FSHR: variants seen among roughly 807,000 people sequenced by gnomAD.
FSHR encodes the protein follicle stimulating hormone receptor, also known as follicle-stimulating hormone receptor.
A neutral mutation model predicts 52.1 loss-of-function variants in FSHR; 46 were observed. That is an observed-to-expected ratio of 0.88 (90% CI 0.70 to 1.13). FSHR has a LOEUF of 1.13. Ranked by LOEUF, FSHR falls within the 50% of genes most tolerant of loss-of-function variation. The pLI is 0.00. For synonymous variants in FSHR, 399 were observed against 309.6 expected (o/e 1.29, Z -3.03); for missense variants, 964 against 834.6 (o/e 1.16, Z -1.91).
In FSHR at chr2:49,017,559, T is replaced by C. The variant is rs775769692; in HGVS notation, c.304A>G (p.Ile102Val). 4 of 1,612,520 alleles carry C rather than the reference T, an allele frequency of 2.5e-6. No individual in the cohort carries two copies. The highest frequency in any genetic ancestry group is 3.4e-6 in the Non-Finnish European group (4 of 1,178,884). ...SNLPKLHEIRIEKANNLLYIN... is the reference protein window; with the variant it reads ...SNLPKLHEIRVEKANNLLYIN... Reference sequence around the variant, plus strand: ...TAGAGCAGGTTGTTGGCCTTTTCAATTCTACTGTAAAAGAAGAAAAAACAT... The same window carrying C: ...TAGAGCAGGTTGTTGGCCTTTTCAACTCTACTGTAAAAGAAGAAAAAACAT... Residue 102 changes from isoleucine to valine, a missense_variant, in exon 4 of 10, where the codon ATT (isoleucine) becomes GTT (valine). By Grantham distance (29) the Ile-to-Val change is conservative. Transcript: ENST00000406846.
intron 1 of FSHR, among the ~76,000 whole-genome samples, chr2:49,071,288 C>A (rs1350644212): frequency 6.6e-6 from 1 of 151,876 alleles, no homozygotes. Flanking sequence ...AACTGTAGAG[C>A]CATTAAAGAA....
At chr2:49,149,325 C>A (rs578180511) in intron 1 of FSHR, among the ~76,000 whole-genome samples, 3 of 152,098 alleles carry the variant, frequency 2.0e-5, no homozygotes, top group African/African-American at 4.8e-5. Context: ...TTCATGAGAA[C>A]ACAGCACACT....
At chr2:49,085,478 T>G (rs759234535) in intron 1 of FSHR, among the ~76,000 whole-genome samples, 2 of 152,150 alleles carry the variant, frequency 1.3e-5, no homozygotes, top group Non-Finnish European at 2.9e-5. Context: ...CAACATAGTG[T>G]TGGAAGTTCT....
At chr2:49,078,151 A>G (rs1035357137) in intron 1 of FSHR, among the ~76,000 whole-genome samples, 1 of 152,198 alleles carries the variant, frequency 6.6e-6, no homozygotes, top group East Asian at 1.9e-4. Flanking sequence ...AAAGAAAGAG[A>G]TTTAATGGAC....
Position 48,963,513 on chromosome 2 carries a change from C to A in FSHR, c.1308G>T (p.Trp436Cys). Residue 436 changes from tryptophan to cysteine, a missense_variant, in exon 10 of 10, where the codon TGG (tryptophan) becomes TGT (cysteine). Coordinates refer to ENST00000406846, the MANE Select transcript of FSHR (RefSeq NM_000145.4). ...KSQYHNYAID[W>C]QTGAGCDAAG... is the part of the protein sequence containing the mutation. ...CAGCATCACAGCCTGCCCCAGTTTG[C>A]CAGTCAATGGCATAGTTGTGATATT... 6.2e-7 allele frequency: 1 copy of A among 1,614,164 alleles called. No individual in the cohort carries two copies. Among genetic ancestry groups the A allele is most frequent in the East Asian group, 2.2e-5 (1 of 44,870 alleles).
intron 1 of FSHR, among the ~76,000 whole-genome samples, chr2:49,115,337 T>C (rs1308863692): frequency 6.6e-6 from 1 of 152,064 alleles, no homozygotes; most frequent in Non-Finnish European, 1.5e-5. Context: ...CACACCAAGG[T>C]CAAGGTCATT....
chr2:48,969,016 A>G (rs1674612706), intron 8 of FSHR, 133 bp from the exon 9 acceptor site: 1 of 825,388 alleles, frequency 1.2e-6, no homozygotes, highest in Non-Finnish European at 2.0e-6. Context: ...GGTTCCTCCA[A>G]CACACCTTGG....
At chr2:49,006,653 T>G (rs1172902894) in intron 4 of FSHR, among the ~76,000 whole-genome samples, 3 of 152,100 alleles carry the variant, frequency 2.0e-5, no homozygotes, top group African/African-American at 7.2e-5. Context: ...CTGACTAGTC[T>G]GGCCTGAGGC....
chr2:49,070,508 A>C (rs553723367), intron 1 of FSHR, among the ~76,000 whole-genome samples: 2 of 152,282 alleles, frequency 1.3e-5, no homozygotes, highest in Non-Finnish European at 2.9e-5. Context: ...AAGATAATAA[A>C]ATTGTTTTAA....
At chr2:49,020,201 C>A in intron 2 of FSHR, 41 bp from the exon 3 acceptor site, 1 of 1,493,998 alleles carries the variant, frequency 6.7e-7, no homozygotes, top group Non-Finnish European at 9.3e-7. Flanking sequence ...AGTTCAGTTA[C>A]ACTCCTTGAA....
intron 8 of FSHR, among the ~76,000 whole-genome samples, chr2:48,970,101 G>T (rs1366678693): frequency 6.6e-6 from 1 of 152,148 alleles, no homozygotes; most frequent in Non-Finnish European, 1.5e-5. Context: ...AAACTTGGGG[G>T]TGTGAATATA....
rs117897604 is a variant in FSHR at position 48,962,412 on chromosome 2, T to A, written c.*321A>T. The A allele has an allele frequency of 1.7e-4, 58 of 333,498 alleles. No homozygotes were observed. In the East Asian group the frequency reaches 4.3e-3, roughly 25 times the overall value. The allele number at this position is 333,498 out of a possible 1,614,324, so 20.7% of individuals were successfully genotyped here. A position where few individuals can be genotyped will look rare whatever the true frequency, so the allele number is the denominator to read the frequency against. ...CTCATTTGTAAAACTCCAAGAATAA[T>A]CCCTGTCCTGCTTATTTAACAGGGA... is the stretch of plus-strand genomic sequence containing the variant. On this transcript the variant is annotated 3_prime_UTR_variant, in exon 10 of 10. Transcript: ENST00000406846.
chr2:49,009,499 TGG>T (rs1667194283), intron 4 of FSHR, among the ~76,000 whole-genome samples: 1 of 134,140 alleles, frequency 7.5e-6, no homozygotes, highest in Non-Finnish European at 1.6e-5. Flanking sequence ...AGGATTGACT[TGG>T]TGATGCGGGC....
chr2:49,063,732 G>A (rs1312537922), intron 2 of FSHR, among the ~76,000 whole-genome samples: 2 of 152,108 alleles, frequency 1.3e-5, no homozygotes, highest in African/African-American at 4.8e-5. Flanking sequence ...AGCAAAATAG[G>A]AGGAATAAGT....
At chr2:48,970,964 A>G (rs1163686781) in intron 8 of FSHR, among the ~76,000 whole-genome samples, 1 of 152,200 alleles carries the variant, frequency 6.6e-6, no homozygotes, top group Admixed American at 6.5e-5. Context: ...CTAAGTCACC[A>G]CAATCTCTGC....
At chr2:49,114,032 G>A (rs1229580429) in intron 1 of FSHR, among the ~76,000 whole-genome samples, 4 of 152,106 alleles carry the variant, frequency 2.6e-5, no homozygotes, top group African/African-American at 9.7e-5. Context: ...CACCAGCAAA[G>A]CATGCTCCTT....
At chr2:49,049,883 C>G (rs1668793841) in intron 2 of FSHR, among the ~76,000 whole-genome samples, 1 of 147,926 alleles carries the variant, frequency 6.8e-6, no homozygotes, top group Admixed American at 6.7e-5. Context: ...AAGAAAGAAG[C>G]AAAAATTCCA....
At chr2:49,003,115 C>T (rs920515875) in intron 4 of FSHR, among the ~76,000 whole-genome samples, 3 of 152,156 alleles carry the variant, frequency 2.0e-5, no homozygotes, top group African/African-American at 7.2e-5. Context: ...CGTGATTAAA[C>T]CACAGCAGAA....
intron 2 of FSHR, among the ~76,000 whole-genome samples, chr2:49,033,715 T>A (rs953273521): frequency 1.8e-4 from 27 of 152,026 alleles, no homozygotes; most frequent in African/African-American, 6.5e-4. Context: ...TATACTAGTC[T>A]CTGCTGTAAG....
Sources: gnomAD v4.1 joint callset for allele counts (sites outside exome capture counted in the v4.1 genomes callset) on GRCh38, gnomAD v4.1.1 for gene constraint, MANE v1.5 for transcripts, NCBI Gene and HGNC (gene_info 2026-07-23, HGNC 2026-07-21) for gene names.